RNASEL: variants seen among roughly 807,000 people sequenced by gnomAD.
RNASEL encodes 2-5A-dependent ribonuclease.
In RNASEL, 36 loss-of-function variants were observed where a neutral mutation model predicts 50.9. The observed-to-expected ratio is 0.71, with a 90% CI of 0.54 to 0.93. RNASEL has a LOEUF of 0.93. Ranked by LOEUF, RNASEL falls within the 40% of genes least tolerant of loss-of-function variation. The pLI is 0.00. For synonymous variants in RNASEL, 335 were observed against 335.6 expected (o/e 1.00, Z 0.02); for missense variants, 860 against 894.5 (o/e 0.96, Z 0.49).
intron 5 of RNASEL, chr1:182,576,735 T>C (rs917026042): frequency 4.9e-6 from 1 of 204,316 alleles, no homozygotes; most frequent in Non-Finnish European, 1.0e-5. Context: ...TAGCCAGGCG[T>C]GGTGGCGCTG....
In RNASEL at chr1:182,576,257, T is replaced by A; in HGVS notation, c.2038A>T (p.Lys680Ter). 1 of 1,611,208 alleles carries A rather than the reference T, an allele frequency of 6.2e-7. No homozygotes were observed. The highest frequency in any genetic ancestry group is 8.5e-7 in the Non-Finnish European group (1 of 1,178,386). The change falls in exon 6 of 7, where the codon AAG (lysine) becomes TAG (stop). Residue 680 changes from lysine to a stop codon, truncating the protein, a stop_gained and splice_region_variant. Transcript: ENST00000367559. LOFTEE classifies it low-confidence loss of function (END_TRUNC). ...TGTAGGAATGAAAACAATACTTACT[T>A]TTTATGCTTTTCTTCATCAATGTGT... ...GEHIDEEKHKKMKLKIGDPSL... is the reference protein window; with the variant it reads ...GEHIDEEKHK
chr1:182,576,522 G>A lies in RNASEL; in HGVS notation c.1906-133C>T, dbSNP rs1661385280. The A allele has an allele frequency of 5.5e-6, 4 of 730,914 alleles. No individual in the cohort carries two copies. In the Admixed American group the frequency reaches 1.1e-4, roughly 21 times the overall value. The allele number at this position is 730,914 out of a possible 1,614,324, so 45.3% of individuals were successfully genotyped here. Reference sequence around the variant, plus strand: ...CTATAATTACCAACTAATTAATAAAGCAAAATAATTTAAAAATGGAAGTAA... The same window carrying A: ...CTATAATTACCAACTAATTAATAAAACAAAATAATTTAAAAATGGAAGTAA... On this transcript the variant is annotated intron_variant, in intron 5 of 6. Transcript: ENST00000367559.
intron 5 of RNASEL, chr1:182,576,632 C>T (rs1004272217): frequency 8.0e-5 from 31 of 389,032 alleles, no homozygotes; most frequent in East Asian, 2.5e-4. Flanking sequence ...TTTCAGAGGC[C>T]GAAATGGGCG....
rs748179719 is a variant in RNASEL, at chr1:182,585,701, TA to T, written c.1105del (p.Tyr369ThrfsTer21). The T allele has an allele frequency of 1.2e-6, 2 of 1,614,122 alleles. No homozygotes were observed. Among genetic ancestry groups the T allele is most frequent in the Non-Finnish European group, 1.7e-6 (2 of 1,180,038 alleles). The part of the protein sequence containing the change: ...GKLKFFIDEK[Y>X]KIADTSEGGI... ...TCCTTCTGAAGTATCAGCAATTTTG[TA>T]TTTTTCATCAATAAAGAACTTGAGT... On this transcript the variant is annotated frameshift_variant, in exon 2 of 7. Transcript: ENST00000367559. LOFTEE classifies it high-confidence loss of function.
intron 1 of RNASEL, among the ~76,000 whole-genome samples, chr1:182,587,773 T>C (rs1486852834): frequency 6.6e-6 from 1 of 152,232 alleles, no homozygotes; most frequent in African/African-American, 2.4e-5. Flanking sequence ...TTGCTGACTC[T>C]GTGCATGTCC....
At position 182,574,296 on chromosome 1, in the gene RNASEL, C is replaced by T; in HGVS notation, c.*1096G>A. On this transcript the variant is annotated 3_prime_UTR_variant, in exon 7 of 7. Transcript: ENST00000367559. ...GGAGCCTACATTCCAGTGGAGGAAC[C>T]AAAACTAAAAGGCGGAGGAAAGCTC... The T allele has an allele frequency of 4.4e-6, 1 of 226,550 alleles. No individual in the cohort carries two copies. The highest frequency in any genetic ancestry group is 8.8e-6 in the Non-Finnish European group (1 of 113,986). 14.0% of individuals were successfully genotyped at this position (226,550 alleles called of 1,614,324 possible). A position where few individuals can be genotyped will look rare whatever the true frequency, so the allele number is the denominator to read the frequency against.
At chr1:182,582,668 G>T (rs2102367755) in intron 3 of RNASEL, among the ~76,000 whole-genome samples, 1 of 152,286 alleles carries the variant, frequency 6.6e-6, no homozygotes, top group Non-Finnish European at 1.5e-5. Context: ...GTCAGTCCAG[G>T]CCAGGAGAGG....
chr1:182,582,544 C>T (rs1174230544), intron 3 of RNASEL, among the ~76,000 whole-genome samples: 2 of 152,092 alleles, frequency 1.3e-5, no homozygotes, highest in African/African-American at 4.8e-5. Context: ...AATGTATGGA[C>T]AGAATATAGA....
Position 182,584,113 on chromosome 1 carries a change from C to T in RNASEL, c.1534G>A (p.Gly512Arg), listed in dbSNP as rs144363880. Residue 512 changes from glycine to arginine, a missense_variant, in exon 3 of 7, where the codon GGA (glycine) becomes AGA (arginine). Gly to Arg is a moderately radical substitution (Grantham distance 125, BLOSUM62 -2). Coordinates refer to ENST00000367559, the MANE Select transcript of RNASEL (RefSeq NM_021133.4). Reference protein sequence around the residue: ...ADFDKSIKWAGDPQEVKRDLE... With the variant: ...ADFDKSIKWARDPQEVKRDLE... Reference sequence around the variant, plus strand: ...TCTCTCTTGACTTCCTGTGGATCTCCAGCCCACTTGATGCTCTTATCAAAA... The same window carrying T: ...TCTCTCTTGACTTCCTGTGGATCTCTAGCCCACTTGATGCTCTTATCAAAA... The T allele has an allele frequency of 1.7e-5, 28 of 1,614,002 alleles. No individual in the cohort carries two copies. Among genetic ancestry groups the T allele is most frequent in the Non-Finnish European group, 2.4e-5 (28 of 1,179,938 alleles).
intron 1 of RNASEL, among the ~76,000 whole-genome samples, chr1:182,588,957 A>T (rs1158017738): frequency 6.6e-6 from 1 of 152,174 alleles, no homozygotes; most frequent in African/African-American, 2.4e-5. Flanking sequence ...GATGCCTGAG[A>T]AACTGAGGAC....
chr1:182,587,951 T>C (rs1397212954), intron 1 of RNASEL, among the ~76,000 whole-genome samples: 2 of 152,242 alleles, frequency 1.3e-5, no homozygotes, highest in Admixed American at 1.3e-4. Flanking sequence ...TATTTCAGCA[T>C]AGCATTCGAT....
In RNASEL at chr1:182,586,435, AT is replaced by A. The variant is rs761309810; in HGVS notation, c.371del (p.Tyr124LeufsTer18). 1 of 1,614,236 alleles carries A rather than the reference AT, an allele frequency of 6.2e-7. No individual in the cohort carries two copies. Among genetic ancestry groups the A allele is most frequent in the Non-Finnish European group, 8.5e-7 (1 of 1,180,036 alleles). On this transcript the variant is annotated frameshift_variant, in exon 2 of 7. Transcript: ENST00000367559. LOFTEE classifies it high-confidence loss of function. The stretch of plus-strand genomic sequence containing the variant: ...CGGCTTCCATGAAGGCTGTGAAGCC[AT>A]AAAAATCACACTCATTGACATCTGC... ...KGADVNECDF[Y>X]GFTAFMEAAV...
Position 182,586,119 on chromosome 1 carries a change from C to A in RNASEL, c.688G>T (p.Ala230Ser), listed in dbSNP as rs762430434. Residue 230 changes from alanine to serine, a missense_variant, in exon 2 of 7, where the codon GCT (alanine) becomes TCT (serine). Ala to Ser is a moderately conservative substitution (Grantham distance 99). Transcript: ENST00000367559. ...CTTTCTCCCCTCACATTGACATCAG[C>A]CCCATGGTCCAGCAGCAGATGCGTA... ...AITHLLLDHGADVNVRGERGK... is the reference protein window; with the variant it reads ...AITHLLLDHGSDVNVRGERGK... 2.5e-6 allele frequency: 4 copies of A among 1,614,192 alleles called. No homozygotes were observed. The Admixed American group carries it at 5.0e-5, about 20-fold the overall frequency.
intron 5 of RNASEL, chr1:182,579,252 TG>T (rs1661446908): frequency 1.0e-6 from 1 of 985,720 alleles, no homozygotes; most frequent in Non-Finnish European, 1.2e-6. Flanking sequence ...TGCTTCTCCT[TG>T]CCTGCAGGTG....
chr1:182,576,254 AC>A lies in RNASEL; in HGVS notation c.2039+1del, dbSNP rs760148408. The A allele has an allele frequency of 7.9e-5, 127 of 1,610,296 alleles. No individual in the cohort carries two copies. The Middle Eastern group carries it at 8.3e-4, about 11-fold the overall frequency. ...ATTTGTAGGAATGAAAACAATACTT[AC>A]TTTTTATGCTTTTCTTCATCAATGT... On this transcript the variant is annotated splice_donor_variant, in intron 6 of 6. Transcript: ENST00000367559. LOFTEE classifies it high-confidence loss of function.
rs1189522135 is a variant in RNASEL at position 182,582,261 on chromosome 1, G to A, written c.1567-3C>T. 6.2e-7 allele frequency: 1 copy of A among 1,614,066 alleles called. No individual in the cohort carries two copies. Among genetic ancestry groups the A allele is most frequent in the Admixed American group, 1.7e-5 (1 of 60,032 alleles). On this transcript the variant is annotated splice_polypyrimidine_tract_variant and splice_region_variant and intron_variant, in intron 3 of 6. Transcript: ENST00000367559. ...TAGAGGACCAGCCGTCCAAGGTCCT[G>A]CACAAAAGCCATAAATCAAGCCAAA... is the stretch of plus-strand genomic sequence containing the variant.
At chr1:182,582,915 T>G (rs922776105) in intron 3 of RNASEL, among the ~76,000 whole-genome samples, 2 of 152,152 alleles carry the variant, frequency 1.3e-5, no homozygotes, top group Non-Finnish European at 2.9e-5. Context: ...CCTGGGGGCT[T>G]TGGTCTACAG....
At chr1:182,584,295 T>C (rs567673106) in intron 2 of RNASEL, 129 bp from the exon 3 acceptor site, 41 of 709,890 alleles carry the variant, frequency 5.8e-5, no homozygotes, top group African/African-American at 4.6e-4. Flanking sequence ...ATAAACCTTA[T>C]ATCTGTATTT....
rs1239868022 is a variant in RNASEL, at chr1:182,575,465, TG to T, written c.2152del (p.Gln718LysfsTer60). 2.5e-6 allele frequency: 4 copies of T among 1,614,094 alleles called. No individual in the cohort carries two copies. Among genetic ancestry groups the T allele is most frequent in the East Asian group, 2.2e-5 (1 of 44,898 alleles). ...QNTEYRKHFP[Q>X]THSPNKPQCD... The stretch of plus-strand genomic sequence containing the variant: ...CTGAGGCTTGTTTGGACTGTGGGTT[TG>T]GGGGAAATGCTTTCTATATTCTGTG... On this transcript the variant is annotated frameshift_variant, in exon 7 of 7. Transcript: ENST00000367559. LOFTEE classifies it low-confidence loss of function (END_TRUNC).
Sources: gnomAD v4.1 joint callset for allele counts (sites outside exome capture counted in the v4.1 genomes callset) on GRCh38, gnomAD v4.1.1 for gene constraint, MANE v1.5 for transcripts, NCBI Gene and HGNC (gene_info 2026-07-23, HGNC 2026-07-21) for gene names.